The following CDC20 variants were observed in gnomAD, a reference collection of about 807,000 sequenced individuals.
The protein encoded by CDC20 is cell division cycle 20.
A neutral mutation model predicts 60.0 loss-of-function variants in CDC20; 34 were observed. The ratio of observed to expected loss-of-function variants is 0.57; its 90% CI spans 0.43 to 0.75. The LOEUF (loss-of-function observed/expected upper bound fraction) is 0.75. CDC20 is among the 30% of genes least tolerant of loss of function. CDC20 has a pLI of 0.00. For synonymous variants in CDC20, 198 were observed against 243.5 expected, an observed-to-expected ratio of 0.81 and a Z score of 1.74; for missense variants, 469 against 647.3, an observed-to-expected ratio of 0.72 and a Z score of 2.99.
rs549920906 is a variant in CDC20, at chr1:43,360,758, C to G, written c.874C>G (p.His292Asp). ...SSGSRSGHIH[H>D]HDVRVAEHHV... ...TGGTTCACGTTCTGGCCACATCCAC[C>G]ACCATGATGTTCGGGTAGCAGAACA... Residue 292 changes from histidine to aspartate, a missense_variant, in exon 8 of 11, where the codon CAC becomes GAC. Physicochemically the swap from His to Asp is moderately conservative, Grantham distance 81 (BLOSUM62 -1). This residue lies in a region of CDC20 where 255 missense variants were observed against 326.7 expected (regional missense o/e 0.78). Coordinates refer to ENST00000310955, the MANE Select transcript of CDC20 (RefSeq NM_001255.3). 1 of 1,613,924 alleles carries G rather than the reference C, an allele frequency of 6.2e-7. No individual in the cohort carries two copies. The highest frequency in any genetic ancestry group is 1.3e-5 in the African/African-American group (1 of 75,048).
chr1:43,362,377 T>G, intron 10 of CDC20, 65 bp downstream of exon 10: 1 of 735,184 alleles, frequency 1.4e-6, no homozygotes. Context: ...ATGTCCAGAA[T>G]AAGCAAATCC....
chr1:43,359,198 C>A lies in CDC20; in HGVS notation c.-18C>A, dbSNP rs757309742. 5.0e-6 allele frequency: 8 copies of A among 1,611,278 alleles called. No homozygotes were observed. The highest frequency in any genetic ancestry group is 2.2e-5 in the East Asian group (1 of 44,874). On this transcript the variant is annotated 5_prime_UTR_variant, in exon 2 of 11. Coordinates refer to ENST00000310955, the MANE Select transcript of CDC20 (RefSeq NM_001255.3). Reference sequence around the variant, plus strand: ...GTAGGCACCAACTGCAAGGACCCCTCCCCCTGCGGGCGCTCCCATGGCACA... The same window carrying A: ...GTAGGCACCAACTGCAAGGACCCCTACCCCTGCGGGCGCTCCCATGGCACA...
At chr1:43,362,453 T>C in intron 10 of CDC20, 141 bp downstream of exon 10, 1 of 610,728 alleles carries the variant, frequency 1.6e-6, no homozygotes, top group South Asian at 2.0e-5. Context: ...TGAAAATGTC[T>C]TAGAATTAGT....
Position 43,359,351 on chromosome 1 carries a change from G to C in CDC20, c.136G>C (p.Ala46Pro), listed in dbSNP as rs1291596274. The change falls in exon 2 of 11, where the codon GCC becomes CCC. Residue 46 changes from alanine (A) to proline (P), a missense_variant. Around this residue, in one of 5 missense-constraint regions of CDC20, gnomAD observed 115 missense variants for 156.1 expected, o/e 0.74. Transcript: ENST00000310955. Reference protein sequence around the residue: ...AGPAPSPMRAANRSHSAGRTP... With the variant: ...AGPAPSPMRAPNRSHSAGRTP... ...CCCGGCCCCCTCACCCATGCGGGCC[G>C]CCAACCGATCCCACAGCGCCGGCAG... 1.2e-6 allele frequency: 2 copies of C among 1,612,980 alleles called. No homozygotes were observed. The highest frequency in any genetic ancestry group is 2.2e-5 in the South Asian group (2 of 91,016).
intron 9 of CDC20, among the ~76,000 whole-genome samples, 183 bp downstream of exon 9, chr1:43,361,428 A>G (rs1212591080): frequency 1.3e-5 from 2 of 152,070 alleles, no homozygotes; most frequent in African/African-American, 2.4e-5. Flanking sequence ...AGGCACCACC[A>G]CCTTGATCTG....
Position 43,360,224 on chromosome 1 carries a change from T to A in CDC20, c.588T>A (p.Asn196Lys), listed in dbSNP as rs1647165928. 4 of 1,614,216 alleles carry A rather than the reference T, an allele frequency of 2.5e-6. No individual in the cohort carries two copies. The highest frequency in any genetic ancestry group is 1.6e-4 in the Middle Eastern group (1 of 6,062). The change falls in exon 6 of 11, where the codon AAT becomes AAA. Residue 196 changes from asparagine (N) to lysine (K), a missense_variant. Coordinates refer to ENST00000310955, the MANE Select transcript of CDC20 (RefSeq NM_001255.3). ...ACCTTGTGGATTGGAGTTCTGGGAA[T>A]GTACTGGCCGTGGCACTGGACAACA... ...YLNLVDWSSG[N>K]VLAVALDNSV...
At chr1:43,362,389 G>A in intron 10 of CDC20, 77 bp downstream of exon 10, 6 of 687,522 alleles carry the variant, frequency 8.7e-6, no homozygotes, top group African/African-American at 3.5e-5. Context: ...AGCAAATCCA[G>A]AGAAAAAACA....
At chr1:43,362,726 G>A (rs1023841965) in intron 10 of CDC20, among the ~76,000 whole-genome samples, 17 of 152,138 alleles carry the variant, frequency 1.1e-4, no homozygotes, top group African/African-American at 2.9e-4. Flanking sequence ...TTAGCCAGGC[G>A]TGGTGGCAAG....
chr1:43,362,626 A>AG (rs1647177612), intron 10 of CDC20, among the ~76,000 whole-genome samples: 1 of 152,148 alleles, frequency 6.6e-6, no homozygotes, highest in Non-Finnish European at 1.5e-5. Context: ...GCACTTTGGG[A>AG]GGCTGAGGCG....
In CDC20 at chr1:43,359,173, G is replaced by A. The variant is rs776287201; in HGVS notation, c.-43G>A. The A allele has an allele frequency of 1.4e-5, 22 of 1,603,976 alleles. No homozygotes were observed. Among genetic ancestry groups the A allele is most frequent in the Non-Finnish European group, 1.7e-5 (20 of 1,173,478 alleles). ...GTCGCCTCCTTTCCTCCAGGGCTCC[G>A]TAGGCACCAACTGCAAGGACCCCTC... On this transcript the variant is annotated 5_prime_UTR_variant, in exon 2 of 11. Coordinates refer to ENST00000310955, the MANE Select transcript of CDC20 (RefSeq NM_001255.3).
intron 9 of CDC20, among the ~76,000 whole-genome samples, 164 bp downstream of exon 9, chr1:43,361,409 A>G (rs1342457950): frequency 2.6e-5 from 4 of 152,018 alleles, no homozygotes; most frequent in African/African-American, 2.4e-5. Context: ...CTCCAATCCT[A>G]TGTCCTATAG....
Position 43,360,575 on chromosome 1 carries a change from A to C in CDC20, c.830A>C (p.Asn277Thr). The change falls in exon 7 of 11, where the codon AAC (asparagine) becomes ACC (threonine). Residue 277 changes from asparagine (N) to threonine (T), a missense_variant. By Grantham distance (65) the Asn-to-Thr change is moderately conservative (BLOSUM62 0). This residue lies in a region of CDC20 where 255 missense variants were observed against 326.7 expected (regional missense o/e 0.78). Transcript: ENST00000310955. ...HSARVGSLSWNSYILSSGSRS... is the reference protein window; with the variant it reads ...HSARVGSLSWTSYILSSGSRS... ...GCCCGAGTGGGCTCCCTAAGCTGGA[A>C]CAGCTATATCCTGTCCAGGTCAGTG... The C allele has an allele frequency of 6.2e-7, 1 of 1,613,830 alleles. No individual in the cohort carries two copies. The highest frequency in any genetic ancestry group is 8.5e-7 in the Non-Finnish European group (1 of 1,179,672).
chr1:43,358,988 A>C lies in CDC20; in HGVS notation c.-68A>C, dbSNP rs1647155465. 1.0e-5 allele frequency: 6 copies of C among 599,468 alleles called. No homozygotes were observed. The East Asian group carries it at 1.7e-4, about 17-fold the overall frequency. The allele number at this position is 599,468 out of a possible 1,614,324, so 37.1% of individuals were successfully genotyped here. On this transcript the variant is annotated 5_prime_UTR_variant, in exon 1 of 11. Coordinates refer to ENST00000310955, the MANE Select transcript of CDC20 (RefSeq NM_001255.3). ...AGCCAGGCGTGTTAAAGCCGGTCGG[A>C]ACTGCTCCGGAGGGCACGGTGAGAG...
In CDC20 at chr1:43,359,548, C is replaced by G. The variant is rs1647160719; in HGVS notation, c.240C>G (p.Ile80Met). ...TPSKPGGDRY[I>M]PHRSAAQMEV... is the part of the protein sequence containing the mutation. ...GCAAACCTGGCGGTGACCGCTATAT[C>G]CCCCATCGCAGTGCTGCCCAGATGG... The change falls in exon 3 of 11, where the codon ATC (isoleucine) becomes ATG (methionine). Residue 80 changes from isoleucine to methionine, a missense_variant. Coordinates refer to ENST00000310955, the MANE Select transcript of CDC20 (RefSeq NM_001255.3). 1 of 1,614,102 alleles carries G rather than the reference C, an allele frequency of 6.2e-7. No individual in the cohort carries two copies. Among genetic ancestry groups the G allele is most frequent in the Non-Finnish European group, 8.5e-7 (1 of 1,180,036 alleles).
At position 43,359,645 on chromosome 1, in the gene CDC20, G is replaced by A. The variant is rs1647161460; in HGVS notation, c.330+7G>A. On this transcript the variant is annotated splice_region_variant and intron_variant, in intron 3 of 10. Coordinates refer to ENST00000310955, the MANE Select transcript of CDC20 (RefSeq NM_001255.3). ...CCAGACGCCCACCAAGAAGGTATGT[G>A]TCCCAGAGGGGCTTAAGGCACGGGA... 1 of 1,613,812 alleles carries A rather than the reference G, an allele frequency of 6.2e-7. No homozygotes were observed. Among genetic ancestry groups the A allele is most frequent in the African/African-American group, 1.3e-5 (1 of 74,912 alleles).
At position 43,359,820 on chromosome 1, in the gene CDC20, G is replaced by T. The variant is rs1647163001; in HGVS notation, c.426G>T (p.Glu142Asp). The T allele has an allele frequency of 6.2e-7, 1 of 1,613,736 alleles. No homozygotes were observed. Among genetic ancestry groups the T allele is most frequent in the Non-Finnish European group, 8.5e-7 (1 of 1,179,984 alleles). The change falls in exon 4 of 11, where the codon GAG (glutamate) becomes GAT (aspartate). Residue 142 changes from glutamate to aspartate, a missense_variant and splice_region_variant. Coordinates refer to ENST00000310955, the MANE Select transcript of CDC20 (RefSeq NM_001255.3). ...GTGGAAAACCACAAAATGCGCCAGA[G>T]GGTAAGACCCGAAGTTCCTGGTTCC... ...RLSGKPQNAP[E>D]GYQNRLKVLY...
intron 1 of CDC20, 63 bp downstream of exon 1, chr1:43,359,069 G>A (rs933681101): frequency 4.6e-5 from 36 of 785,034 alleles, no homozygotes; most frequent in South Asian, 3.5e-4. Context: ...TGCTAGGCCG[G>A]AAGGGGCTGC....
Position 43,359,305 on chromosome 1 carries a change from C to T in CDC20, c.90C>T (p.Arg30=). 1 of 1,612,706 alleles carries T rather than the reference C, an allele frequency of 6.2e-7. No homozygotes were observed. The highest frequency in any genetic ancestry group is 1.1e-5 in the South Asian group (1 of 91,058). Residue 30 remains arginine, a synonymous_variant, in exon 2 of 11, where the codon CGC becomes CGT. Transcript: ENST00000310955. ...IPNAPPARWQ[R]KAKEAAGPAP... ...ATGCACCCCCTGCGCGCTGGCAGCGCAAAGCCAAGGAAGCCGCAGGCCCGG... is the reference window on the plus strand; with the variant it reads ...ATGCACCCCCTGCGCGCTGGCAGCGTAAAGCCAAGGAAGCCGCAGGCCCGG...
rs753925509 is a variant in CDC20 at position 43,359,196 on chromosome 1, C to G, written c.-20C>G. ...CCGTAGGCACCAACTGCAAGGACCC[C>G]TCCCCCTGCGGGCGCTCCCATGGCA... On this transcript the variant is annotated 5_prime_UTR_variant, in exon 2 of 11. Transcript: ENST00000310955. 1 of 1,611,270 alleles carries G rather than the reference C, an allele frequency of 6.2e-7. No individual in the cohort carries two copies. Among genetic ancestry groups the G allele is most frequent in the Non-Finnish European group, 8.5e-7 (1 of 1,179,796 alleles).
Sources: allele counts gnomAD v4.1 joint callset (sites outside exome capture counted in the v4.1 genomes callset), GRCh38; gene constraint gnomAD v4.1.1; regional missense constraint gnomAD v4.1.1; transcripts MANE v1.5; gene names NCBI Gene and HGNC (gene_info 2026-07-23, HGNC 2026-07-21).